Variants in ARHGAP6 observed in about 807,000 individuals in gnomAD.
The protein encoded by ARHGAP6 is Rho GTPase activating protein 6, also known as rho GTPase-activating protein 6.
A neutral mutation model predicts 55.7 loss-of-function variants in ARHGAP6; 16 were observed. The ratio of observed to expected loss-of-function variants is 0.29; its 90% confidence interval spans 0.19 to 0.44. ARHGAP6 has a LOEUF of 0.44. Ranked by LOEUF, ARHGAP6 falls within the 20% of genes least tolerant of loss-of-function variation. ARHGAP6 has a pLI of 1.00. For missense variants in ARHGAP6, 698 were observed against 808.9 expected (o/e 0.86, Z 1.66); for synonymous variants, 382 against 360.9 (o/e 1.06, Z -0.66).
At chrX:11,455,349 T>C (rs1158407238) in intron 1 of ARHGAP6, among the ~76,000 whole-genome samples, 1 of 112,079 alleles carries the variant, frequency 8.9e-6, no homozygotes, top group African/African-American at 3.2e-5. Flanking sequence ...TCTTTGTCAT[T>C]CTACAAAGCA....
At position 11,197,499 on chromosome X, in the gene ARHGAP6, T is replaced by A. The variant is rs758732751; in HGVS notation, c.749-503A>T. ...ATGTGACTTTGGACAAGTCTTTGTGTCCTCATTTATAAAATGGGAATATCA... is the reference window on the plus strand; with the variant it reads ...ATGTGACTTTGGACAAGTCTTTGTGACCTCATTTATAAAATGGGAATATCA... On this transcript the variant is annotated intron_variant, in intron 2 of 12. Coordinates refer to ENST00000337414, the MANE Select transcript of ARHGAP6 (RefSeq NM_013427.3). Among the ~76,000 whole-genome samples, 5 of 112,141 alleles carry A rather than the reference T, an allele frequency of 4.5e-5. No individual in the cohort carries two copies. In the East Asian group the frequency reaches 1.4e-3, roughly 31 times the overall value.
At chrX:11,211,473 G>A (rs1291929903) in intron 2 of ARHGAP6, among the ~76,000 whole-genome samples, 4 of 110,526 alleles carry the variant, frequency 3.6e-5, no homozygotes, top group Non-Finnish European at 5.7e-5. Flanking sequence ...CTCGTGATCC[G>A]CCCTCCTTGG....
chrX:11,324,042 A>C (rs2048469191), intron 1 of ARHGAP6, among the ~76,000 whole-genome samples: 1 of 111,158 alleles, frequency 9.0e-6, no homozygotes, highest in Admixed American at 9.6e-5. Flanking sequence ...AGACATCTCA[A>C]TTGGTTCAGC....
At chrX:11,432,644 A>G (rs551651496) in intron 1 of ARHGAP6, among the ~76,000 whole-genome samples, 1 of 112,059 alleles carries the variant, frequency 8.9e-6, no homozygotes, top group African/African-American at 3.2e-5. Flanking sequence ...AGTCTTTTTC[A>G]TGGGGCTACA....
rs56274949 is a variant in ARHGAP6 at position 11,660,530 on chromosome X, C to CAAAAAAAAAAAA, written c.588+3699_588+3710dup. On this transcript the variant is annotated intron_variant, in intron 1 of 12. Transcript: ENST00000337414. ...CAACAGGGTGAGACTCTCTCTCTCTCAAAAAAAAAAAAAAAAAAAAAAAAA... is the reference window on the plus strand; with the variant it reads ...CAACAGGGTGAGACTCTCTCTCTCTCAAAAAAAAAAAAAAAAAAAAAAAAAAAAAAAAAAAAA... 4.0e-4 allele frequency among the ~76,000 whole-genome samples: 11 copies of CAAAAAAAAAAAA among 27,303 alleles called. 4 individuals are homozygous for CAAAAAAAAAAAA. Among genetic ancestry groups the CAAAAAAAAAAAA allele is most frequent in the Non-Finnish European group, 7.3e-4 (10 of 13,790 alleles). 23.7% of individuals were successfully genotyped at this position (27,303 alleles called of 115,157 possible). A position where few individuals can be genotyped will look rare whatever the true frequency, so the allele number is the denominator to read the frequency against.
At chrX:11,337,187 T>C (rs1397898177) in intron 1 of ARHGAP6, among the ~76,000 whole-genome samples, 1 of 111,077 alleles carries the variant, frequency 9.0e-6, no homozygotes, top group Non-Finnish European at 1.9e-5. Flanking sequence ...TATCTATAGA[T>C]ATATAGATGT....
At chrX:11,534,134 C>T (rs762159955) in intron 1 of ARHGAP6, among the ~76,000 whole-genome samples, 13 of 110,169 alleles carry the variant, frequency 1.2e-4, no homozygotes, top group Admixed American at 1.9e-4. Context: ...TCTCTGTGGG[C>T]GATAAAGCCC....
chrX:11,592,590 T>C (rs951139239), intron 1 of ARHGAP6, among the ~76,000 whole-genome samples: 2 of 111,474 alleles, frequency 1.8e-5, no homozygotes, highest in Non-Finnish European at 3.8e-5. Flanking sequence ...TATATCATTA[T>C]ATAGTATTAT....
chrX:11,336,722 C>T (rs901373535), intron 1 of ARHGAP6, among the ~76,000 whole-genome samples: 3 of 111,508 alleles, frequency 2.7e-5, no homozygotes, highest in Non-Finnish European at 5.6e-5. Flanking sequence ...TAAGATGTTT[C>T]GATCCAAGAG....
Position 11,198,292 on chromosome X carries a change from G to A in ARHGAP6, c.749-1296C>T, listed in dbSNP as rs765632420. Reference sequence around the variant, plus strand: ...CTTCACTCTTGTAGTCACGCAATTTGTATTGGGGAAATTATGTAAATCAGT... The same window carrying A: ...CTTCACTCTTGTAGTCACGCAATTTATATTGGGGAAATTATGTAAATCAGT... On this transcript the variant is annotated intron_variant, in intron 2 of 12. Coordinates refer to ENST00000337414, the MANE Select transcript of ARHGAP6 (RefSeq NM_013427.3). 1.4e-4 allele frequency among the ~76,000 whole-genome samples: 16 copies of A among 112,019 alleles called. No homozygotes were observed. In the South Asian group the frequency reaches 5.9e-3, roughly 41 times the overall value.
chrX:11,168,082 C>T (rs1340768357), intron 9 of ARHGAP6, among the ~76,000 whole-genome samples: 1 of 111,360 alleles, frequency 9.0e-6, no homozygotes, highest in Non-Finnish European at 1.9e-5. Context: ...TAAGTTCTGG[C>T]CAATGAGATT....
At chrX:11,468,153 A>G (rs750372219) in intron 1 of ARHGAP6, among the ~76,000 whole-genome samples, 1 of 111,371 alleles carries the variant, frequency 9.0e-6, no homozygotes, top group Non-Finnish European at 1.9e-5. Context: ...ATGATGTTCT[A>G]TTTCTTGATC....
chrX:11,316,742 A>AT (rs2048363731), intron 1 of ARHGAP6, among the ~76,000 whole-genome samples: 1 of 112,264 alleles, frequency 8.9e-6, no homozygotes, highest in Non-Finnish European at 1.9e-5. Context: ...GGAAAGCACC[A>AT]TTTTAGTCTC....
At chrX:11,459,273 G>A (rs1241723202) in intron 1 of ARHGAP6, among the ~76,000 whole-genome samples, 2 of 111,556 alleles carry the variant, frequency 1.8e-5, no homozygotes, top group African/African-American at 6.5e-5. Context: ...TTCGAGATAT[G>A]ACTATCTTTC....
At chrX:11,565,969 G>A (rs895728480) in intron 1 of ARHGAP6, among the ~76,000 whole-genome samples, 4 of 111,845 alleles carry the variant, frequency 3.6e-5, no homozygotes, top group African/African-American at 1.3e-4. Context: ...GCTATCAAAC[G>A]CAATATTCTA....
chrX:11,403,021 G>C (rs937203641), intron 1 of ARHGAP6, among the ~76,000 whole-genome samples: 11 of 112,171 alleles, frequency 9.8e-5, no homozygotes, highest in African/African-American at 3.6e-4. Context: ...GAAAACAATA[G>C]TTTGCGTTGG....
At chrX:11,504,036 AGTTAT>A (rs762065477) in intron 1 of ARHGAP6, among the ~76,000 whole-genome samples, 38 of 108,241 alleles carry the variant, frequency 3.5e-4, no homozygotes, top group African/African-American at 1.3e-3. Context: ...TGGCTGATGG[AGTTAT>A]GTATCAATTT....
At chrX:11,388,573 T>A (rs750631521) in intron 1 of ARHGAP6, among the ~76,000 whole-genome samples, 63 of 112,096 alleles carry the variant, frequency 5.6e-4, no homozygotes, top group African/African-American at 1.7e-3. Context: ...ATCCCATTTG[T>A]CAATTTTGGC....
rs756162810 is a variant in ARHGAP6 at position 11,186,405 on chromosome X, G to A, written c.1104C>T (p.Thr368=). 2 of 1,208,656 alleles carry A rather than the reference G, an allele frequency of 1.7e-6. No individual in the cohort carries two copies. Among genetic ancestry groups the A allele is most frequent in the Non-Finnish European group, 2.2e-6 (2 of 894,676 alleles). ...RRGAMSVDSI[T]DLDDNQSRLL... is the part of the protein sequence containing the mutation. ...GTCGAGACTGATTGTCATCAAGATC[G>A]GTGATAGAATCCACTGACATGGCAC... The change falls in exon 5 of 13, where the codon ACC becomes ACT. Residue 368 remains threonine, a synonymous_variant. Transcript: ENST00000337414.
Sources: gnomAD v4.1 joint callset for allele counts (sites outside exome capture counted in the v4.1 genomes callset) on GRCh38, gnomAD v4.1.1 for gene constraint, MANE v1.5 for transcripts, NCBI Gene and HGNC (gene_info 2026-07-23, HGNC 2026-07-21) for gene names.